Variants in RBFOX3 observed in about 807,000 individuals in gnomAD.
RBFOX3 encodes the protein RNA binding protein fox-1 homolog 3.
In RBFOX3, 17 loss-of-function variants were observed where a neutral mutation model predicts 48.7. The observed-to-expected ratio is 0.35, with a 90% confidence interval of 0.24 to 0.52. RBFOX3 has a LOEUF of 0.52. Among genes scored for constraint, RBFOX3 ranks in the 20% least tolerant of loss-of-function variants. The pLI, the probability that RBFOX3 is intolerant of heterozygous loss-of-function variation, is 0.94. For synonymous variants in RBFOX3, 212 were observed against 209.5 expected, an observed-to-expected ratio of 1.01 and a Z score of -0.10; for missense variants, 382 against 497.5, an observed-to-expected ratio of 0.77 and a Z score of 2.21.
intron 1 of RBFOX3, among the ~76,000 whole-genome samples, chr17:79,532,081 G>A (rs1000394813): frequency 3.9e-5 from 6 of 152,348 alleles, no homozygotes; most frequent in African/African-American, 2.4e-5. Flanking sequence ...TGACCCTGCC[G>A]TGGATTCTTT....
intron 2 of RBFOX3, among the ~76,000 whole-genome samples, chr17:79,404,430 A>C (rs2063279942): frequency 6.6e-6 from 1 of 152,240 alleles, no homozygotes; most frequent in Admixed American, 6.5e-5. Context: ...ACCCCAGGCC[A>C]CACGGCCCCA....
intron 3 of RBFOX3, among the ~76,000 whole-genome samples, chr17:79,304,336 A>ATG (rs2075783926): frequency 6.6e-6 from 1 of 151,588 alleles, no homozygotes; most frequent in Admixed American, 6.6e-5. Context: ...AAAAATATAT[A>ATG]TGTATATATA....
chr17:79,197,148 G>A (rs1599921679), intron 4 of RBFOX3, among the ~76,000 whole-genome samples: 1 of 132,584 alleles, frequency 7.5e-6, no homozygotes, highest in Admixed American at 7.6e-5. Context: ...ACCAGTTCCT[G>A]TGAGCTGTGA....
chr17:79,641,122 C>T, the RBFOX3 span, among the ~76,000 whole-genome samples: 1 of 152,064 alleles, frequency 6.6e-6, no homozygotes, highest in Non-Finnish European at 1.5e-5. Context: ...AAACAAATAA[C>T]CCAAGTTTAA....
chr17:79,379,282 C>T (rs2059599415), intron 2 of RBFOX3, among the ~76,000 whole-genome samples: 1 of 152,164 alleles, frequency 6.6e-6, no homozygotes, highest in African/African-American at 2.4e-5. Flanking sequence ...GGGTCACTGC[C>T]AGAATTCCCG....
In RBFOX3 at chr17:79,262,284, C is replaced by T. The variant is rs1046458474; in HGVS notation, c.-73-26479G>A. 1.8e-4 allele frequency among the ~76,000 whole-genome samples: 27 copies of T among 152,192 alleles called. 1 individual carries two copies. The highest frequency in any genetic ancestry group is 2.4e-5 in the African/African-American group (1 of 41,464). ...GAGCTCTGCAGCCAGGGGCAAGTCC[C>T]GCAGCCATGGGGGGCCCCGGACAGG... On this transcript the variant is annotated intron_variant, in intron 3 of 14. Transcript: ENST00000693108.
chr17:79,130,231 G>A (rs559816114), intron 4 of RBFOX3, among the ~76,000 whole-genome samples: 208 of 152,208 alleles, frequency 1.4e-3, no homozygotes, highest in African/African-American at 4.7e-3. Flanking sequence ...CACAGCCACC[G>A]GCTCTCAGGT....
intron 4 of RBFOX3, among the ~76,000 whole-genome samples, chr17:79,146,441 G>T (rs1329887700): frequency 6.6e-6 from 1 of 152,204 alleles, no homozygotes; most frequent in Non-Finnish European, 1.5e-5. Flanking sequence ...ATCCTAAATG[G>T]GTGTTGCTTG....
intron 11 of RBFOX3, 106 bp downstream of exon 11, chr17:79,097,183 CAGG>C: frequency 2.2e-6 from 2 of 891,646 alleles, no homozygotes; most frequent in Non-Finnish European, 1.6e-6. Context: ...TCCCCCCCCC[CAGG>C]TCTGGAAAGG....
At chr17:79,518,176 T>C (rs1240433158) in intron 1 of RBFOX3, among the ~76,000 whole-genome samples, 1 of 152,258 alleles carries the variant, frequency 6.6e-6, no homozygotes, top group Non-Finnish European at 1.5e-5. Context: ...AATTCATTTA[T>C]ACTCTGAGCA....
intron 1 of RBFOX3, among the ~76,000 whole-genome samples, chr17:79,526,077 C>A (rs2150036982): frequency 6.6e-6 from 1 of 152,332 alleles, no homozygotes; most frequent in Non-Finnish European, 1.5e-5. Context: ...GGAGACTGAG[C>A]CAGGAAAGGA....
At chr17:79,593,209 G>A (rs1015990438) in intron 1 of RBFOX3, among the ~76,000 whole-genome samples, 4 of 152,120 alleles carry the variant, frequency 2.6e-5, no homozygotes, top group East Asian at 3.9e-4. Flanking sequence ...CCACCAGGAC[G>A]GACACCACCT....
At chr17:79,506,672 C>A (rs1567825) in intron 1 of RBFOX3, among the ~76,000 whole-genome samples, 1,850 of 152,286 alleles carry the variant, frequency 0.012, 46 homozygotes, top group African/African-American at 0.043. Context: ...AGCGGGCCAG[C>A]CCCTTCACCC....
intron 4 of RBFOX3, among the ~76,000 whole-genome samples, chr17:79,162,324 G>A (rs891117065): frequency 5.3e-5 from 8 of 152,154 alleles, no homozygotes; most frequent in East Asian, 1.9e-4. Context: ...TCACCCGGAC[G>A]GAGCATGGGG....
intron 1 of RBFOX3, among the ~76,000 whole-genome samples, chr17:79,538,716 T>C (rs1269926343): frequency 3.3e-5 from 5 of 152,166 alleles, no homozygotes; most frequent in Non-Finnish European, 7.3e-5. Flanking sequence ...GGTGCCCATG[T>C]GGGGGCTGGA....
rs77953267 is a variant in RBFOX3, at chr17:79,432,274, G to A, written c.-175+50180C>T. Among the ~76,000 whole-genome samples, 1,016 of 152,328 alleles carry A rather than the reference G, an allele frequency of 6.7e-3. 10 individuals are homozygous for A. The highest frequency in any genetic ancestry group is 0.023 in the African/African-American group (967 of 41,572). ...TATGAACCGAGTGTGCACATGTCTC[G>A]TCCATACCCTGCTTCCAACCCTGTT... is the stretch of plus-strand genomic sequence containing the variant. On this transcript the variant is annotated intron_variant, in intron 2 of 14. Coordinates refer to ENST00000693108, the MANE Select transcript of RBFOX3 (RefSeq NM_001350451.2).
At chr17:79,399,238 G>C (rs1370489463) in intron 2 of RBFOX3, among the ~76,000 whole-genome samples, 2 of 152,210 alleles carry the variant, frequency 1.3e-5, no homozygotes, top group African/African-American at 2.4e-5. Flanking sequence ...CACCCAGTCC[G>C]TGGCAGTTTG....
chr17:79,626,433 C>G, the RBFOX3 span, among the ~76,000 whole-genome samples: 1 of 152,344 alleles, frequency 6.6e-6, no homozygotes, highest in South Asian at 2.1e-4. Flanking sequence ...CGGCCACTGT[C>G]GCTTCTGCAG....
intron 4 of RBFOX3, among the ~76,000 whole-genome samples, chr17:79,157,196 G>A (rs1248473681): frequency 7.9e-5 from 12 of 152,182 alleles, no homozygotes; most frequent in East Asian, 3.9e-4. Context: ...CTTACTCCCC[G>A]TCTCCCACCC....
Sources: allele counts gnomAD v4.1 joint callset (sites outside exome capture counted in the v4.1 genomes callset), GRCh38; gene constraint gnomAD v4.1.1; transcripts MANE v1.5; gene names NCBI Gene and HGNC (gene_info 2026-07-23, HGNC 2026-07-21).